The following COL24A1 variants were observed in gnomAD, a reference collection of about 807,000 sequenced individuals.
COL24A1 encodes collagen alpha-1(XXIV) chain.
In COL24A1, 224 loss-of-function variants were observed where a neutral mutation model predicts 253.9. That is an observed-to-expected ratio of 0.88 (90% CI 0.79 to 0.99). The LOEUF is 0.99. Ranked by LOEUF, COL24A1 falls within the 50% of genes least tolerant of loss-of-function variation. The probability of loss-of-function intolerance (pLI) is 0.00; values close to 1 mark genes in which losing one functional copy is unlikely to be tolerated. For missense variants in COL24A1, 2,131 were observed against 2,068.5 expected (o/e 1.03, Z -0.59); for synonymous variants, 685 against 673.7 (o/e 1.02, Z -0.26).
rs1024805272 is a variant in COL24A1 at position 86,138,567 on chromosome 1, C to G, written c.121+7552G>C. The stretch of plus-strand genomic sequence containing the variant: ...GGGGGAGTTTCCCTGCACAGGCTCT[C>G]TCTTTGCCTGCTGCCATCGAGGTAA... On this transcript the variant is annotated intron_variant, in intron 2 of 59. Coordinates refer to ENST00000370571, the MANE Select transcript of COL24A1 (RefSeq NM_152890.7). Among the ~76,000 whole-genome samples the G allele has an allele frequency of 1.6e-4, 24 of 152,248 alleles. 2 individuals carry two copies. In the South Asian group the frequency reaches 3.7e-3, roughly 24 times the overall value.
chr1:86,026,354 T>C (rs1330302289), intron 14 of COL24A1, among the ~76,000 whole-genome samples: 1 of 152,206 alleles, frequency 6.6e-6, no homozygotes, highest in Non-Finnish European at 1.5e-5. Context: ...TTCATCTGAA[T>C]TGTAGTCTCC....
intron 24 of COL24A1, among the ~76,000 whole-genome samples, chr1:85,946,352 T>G (rs901764861): frequency 2.0e-5 from 3 of 152,186 alleles, no homozygotes; most frequent in Non-Finnish European, 4.4e-5. Context: ...TGATGCTCTG[T>G]ATGCTTTCAC....
At chr1:86,029,205 G>A (rs1329733410) in intron 14 of COL24A1, among the ~76,000 whole-genome samples, 2 of 151,702 alleles carry the variant, frequency 1.3e-5, no homozygotes, top group Non-Finnish European at 2.9e-5. Flanking sequence ...AATCTCATAA[G>A]GTAGATAATA....
At chr1:85,971,718 C>T (rs929549586) in intron 20 of COL24A1, among the ~76,000 whole-genome samples, 1 of 151,908 alleles carries the variant, frequency 6.6e-6, no homozygotes, top group Non-Finnish European at 1.5e-5. Flanking sequence ...TACAGTAAAC[C>T]GAATAGAGTG....
chr1:85,883,308 C>T (rs955009590), intron 32 of COL24A1, among the ~76,000 whole-genome samples: 2 of 151,060 alleles, frequency 1.3e-5, no homozygotes, highest in Non-Finnish European at 3.0e-5. Context: ...CAAACTCTGC[C>T]TCCTGGGTTC....
chr1:85,732,234 CTTTTT>C (rs747341554), intron 59 of COL24A1, among the ~76,000 whole-genome samples: 6 of 145,976 alleles, frequency 4.1e-5, no homozygotes, highest in Non-Finnish European at 9.1e-5. Flanking sequence ...CTTTTCTTTT[CTTTTT>C]TTTTTTTTTG....
At chr1:86,033,143 G>C (rs1428324781) in intron 13 of COL24A1, among the ~76,000 whole-genome samples, 1 of 152,072 alleles carries the variant, frequency 6.6e-6, no homozygotes, top group Non-Finnish European at 1.5e-5. Context: ...ATTTGGAAAA[G>C]AGAAGTAAAA....
At chr1:86,053,008 T>C (rs1424394666) in intron 10 of COL24A1, among the ~76,000 whole-genome samples, 1 of 152,036 alleles carries the variant, frequency 6.6e-6, no homozygotes, top group South Asian at 2.1e-4. Flanking sequence ...ATTTGTTCCT[T>C]TATACATAAC....
chr1:86,125,795 A>G lies in COL24A1; in HGVS notation c.541T>C (p.Cys181Arg). 2.5e-6 allele frequency: 4 copies of G among 1,613,152 alleles called. No individual in the cohort carries two copies. The highest frequency in any genetic ancestry group is 3.4e-6 in the Non-Finnish European group (4 of 1,179,688). ...RNQSVSMFVECGKKYFSTETI... is the reference protein window; with the variant it reads ...RNQSVSMFVERGKKYFSTETI... ...TCTGTGCTAAAATATTTCTTTCCAC[A>G]CTCAACAAACATTGAGACACTTTGG... is the stretch of plus-strand genomic sequence containing the variant. The change falls in exon 3 of 60, where the codon TGT becomes CGT. Residue 181 changes from cysteine (C) to arginine (R), a missense_variant. Cys to Arg is a radical substitution (Grantham distance 180, BLOSUM62 -3). Coordinates refer to ENST00000370571, the MANE Select transcript of COL24A1 (RefSeq NM_152890.7).
chr1:85,979,530 A>C (rs1210330489), intron 20 of COL24A1, among the ~76,000 whole-genome samples: 1 of 152,074 alleles, frequency 6.6e-6, no homozygotes, highest in Non-Finnish European at 1.5e-5. Context: ...AGAAATACAA[A>C]AGATCATTCA....
At chr1:86,123,833 A>C (rs933066654) in intron 3 of COL24A1, among the ~76,000 whole-genome samples, 1 of 151,958 alleles carries the variant, frequency 6.6e-6, no homozygotes, top group African/African-American at 2.4e-5. Flanking sequence ...ATACCTATCA[A>C]ATCACTTCTA....
chr1:85,823,473 T>C (rs1301623133), intron 45 of COL24A1, 63 bp downstream of exon 45: 5 of 1,455,260 alleles, frequency 3.4e-6, no homozygotes, highest in Non-Finnish European at 4.8e-6. Flanking sequence ...TAACTCCTTG[T>C]GCTCCTGCTT....
At chr1:86,021,291 T>C (rs558928448) in intron 18 of COL24A1, among the ~76,000 whole-genome samples, 29 of 152,292 alleles carry the variant, frequency 1.9e-4, no homozygotes, top group African/African-American at 6.7e-4. Flanking sequence ...TTGAATCCTA[T>C]ATCTAATTTT....
chr1:85,833,379 T>G (rs1675583467), intron 43 of COL24A1, among the ~76,000 whole-genome samples: 1 of 152,210 alleles, frequency 6.6e-6, no homozygotes, highest in South Asian at 2.1e-4. Flanking sequence ...TCATCATCAC[T>G]GGCCATCAGA....
chr1:86,034,363 T>C (rs1056049896), intron 12 of COL24A1, among the ~76,000 whole-genome samples: 4 of 152,184 alleles, frequency 2.6e-5, no homozygotes, highest in East Asian at 1.9e-4. Context: ...CACATAATTA[T>C]ATATACACAC....
At chr1:85,969,778 T>A (rs562825996) in intron 22 of COL24A1, among the ~76,000 whole-genome samples, 1 of 152,194 alleles carries the variant, frequency 6.6e-6, no homozygotes, top group Non-Finnish European at 1.5e-5. Context: ...CAAAAATGTT[T>A]AAATAATTCA....
At chr1:86,033,447 T>C (rs1461350159) in intron 13 of COL24A1, among the ~76,000 whole-genome samples, 1 of 152,128 alleles carries the variant, frequency 6.6e-6, no homozygotes, top group Non-Finnish European at 1.5e-5. Context: ...AATCTGAACA[T>C]TGACAGCTAA....
At chr1:85,909,377 T>C (rs1558617712) in intron 26 of COL24A1, among the ~76,000 whole-genome samples, 1 of 151,834 alleles carries the variant, frequency 6.6e-6, no homozygotes, top group Non-Finnish European at 1.5e-5. Flanking sequence ...TTGATAATAA[T>C]TATTCACTCC....
chr1:86,126,329 A>C, intron 2 of COL24A1, 115 bp from the exon 3 acceptor site: 1 of 904,162 alleles, frequency 1.1e-6, no homozygotes, highest in Non-Finnish European at 1.6e-6. Context: ...TTTCTAAAAT[A>C]AGCATGTTCT....
Sources: allele counts gnomAD v4.1 joint callset (sites outside exome capture counted in the v4.1 genomes callset), GRCh38; gene constraint gnomAD v4.1.1; transcripts MANE v1.5; gene names NCBI Gene and HGNC (gene_info 2026-07-23, HGNC 2026-07-21).